The following RIN3 variants were observed in gnomAD, a reference collection of about 807,000 sequenced individuals.
RIN3 encodes the protein Ras and Rab interactor 3, also known as RAB5 interacting protein 3.
Under a neutral mutation model 76.3 loss-of-function variants are expected in RIN3, and 54 were observed. The ratio of observed to expected loss-of-function variants is 0.71; its 90% CI spans 0.57 to 0.89. The LOEUF (loss-of-function observed/expected upper bound fraction) is 0.89, where lower values mean the gene tolerates loss of function less well. Among genes scored for constraint, RIN3 ranks in the 40% least tolerant of loss-of-function variants. The pLI, the probability that RIN3 is intolerant of heterozygous loss-of-function variation, is 0.00. For synonymous variants in RIN3, 576 were observed against 564.0 expected (o/e 1.02, Z -0.30); for missense variants, 1,256 against 1,322.1 (o/e 0.95, Z 0.78).
chr14:92,578,234 T>TAA (rs777276864), intron 3 of RIN3, among the ~76,000 whole-genome samples: 4 of 100,914 alleles, frequency 4.0e-5, no homozygotes, highest in Admixed American at 1.1e-4. Context: ...AGATCTGGCC[T>TAA]AAAAAAAAAA....
intron 4 of RIN3, among the ~76,000 whole-genome samples, chr14:92,636,996 G>A (rs1886800696): frequency 6.6e-6 from 1 of 152,158 alleles, no homozygotes; most frequent in Non-Finnish European, 1.5e-5. Flanking sequence ...TTACTCTCCA[G>A]AGTGTAGACC....
In RIN3 at chr14:92,685,285, C is replaced by A; in HGVS notation, c.2631+135C>A. On this transcript the variant is annotated intron_variant, in intron 9 of 9. Coordinates refer to ENST00000216487, the MANE Select transcript of RIN3 (RefSeq NM_024832.5). This position sits in a 1 kb window ranked among gnomAD's most constrained non-coding sequence, Gnocchi z 4.7. ...CCTGCCTTAGGGGAGCAGTGAGACT[C>A]CCCACACCAGAGGAAGGGCCCCCAG... The A allele has an allele frequency of 1.1e-6, 1 of 926,714 alleles. No individual in the cohort carries two copies. The highest frequency in any genetic ancestry group is 1.6e-6 in the Non-Finnish European group (1 of 632,184). The allele number at this position is 926,714 out of a possible 1,614,324, so 57.4% of individuals were successfully genotyped here. A position where few individuals can be genotyped will look rare whatever the true frequency, so the allele number is the denominator to read the frequency against.
chr14:92,540,308 G>A (rs1441271620), intron 1 of RIN3, among the ~76,000 whole-genome samples: 2 of 152,180 alleles, frequency 1.3e-5, no homozygotes, highest in Non-Finnish European at 2.9e-5. Flanking sequence ...CTGACCCACC[G>A]AGGGTCGGGG....
chr14:92,537,509 C>T (rs1490500314), intron 1 of RIN3, among the ~76,000 whole-genome samples: 2 of 152,058 alleles, frequency 1.3e-5, no homozygotes, highest in African/African-American at 2.4e-5. Flanking sequence ...TAAGTTCCCA[C>T]GATTGCTGGG....
intron 2 of RIN3, among the ~76,000 whole-genome samples, chr14:92,557,943 G>A (rs899116953): frequency 2.0e-5 from 3 of 152,252 alleles, no homozygotes; most frequent in Non-Finnish European, 4.4e-5. Context: ...GCAGGTGTGT[G>A]GATGGGAATT....
At chr14:92,679,581 G>A (rs73332235) in intron 8 of RIN3, among the ~76,000 whole-genome samples, 2,588 of 152,280 alleles carry the variant, frequency 0.017, 31 homozygotes, top group African/African-American at 0.033. Flanking sequence ...TGGGTCCCAG[G>A]GCAGAGGGGC....
At position 92,516,772 on chromosome 14, in the gene RIN3, C is replaced by A. The variant is rs1169729998; in HGVS notation, c.44+2796C>A. ...CCTACCCCCTTGGTGCCCCTCTATC[C>A]TGGCCCTGGGTCCCTGATCTGTGAT... is the stretch of plus-strand genomic sequence containing the variant. On this transcript the variant is annotated intron_variant, in intron 1 of 9. Transcript: ENST00000216487. 3.3e-5 allele frequency among the ~76,000 whole-genome samples: 5 copies of A among 152,140 alleles called. No individual in the cohort carries two copies. The East Asian group carries it at 9.6e-4, about 29-fold the overall frequency.
chr14:92,592,030 T>A (rs1884995233), intron 3 of RIN3, among the ~76,000 whole-genome samples: 1 of 152,200 alleles, frequency 6.6e-6, no homozygotes, highest in Admixed American at 6.5e-5. Context: ...TGTGTATGTG[T>A]ATCTATATAT....
chr14:92,620,436 A>G (rs1239248900), intron 4 of RIN3, among the ~76,000 whole-genome samples: 1 of 152,226 alleles, frequency 6.6e-6, no homozygotes, highest in East Asian at 1.9e-4. Flanking sequence ...CTAAAATCCA[A>G]AAAGTTTGTT....
chr14:92,623,399 T>C lies in RIN3; in HGVS notation c.440+7920T>C, dbSNP rs1460114613. 6.6e-6 allele frequency among the ~76,000 whole-genome samples: 1 copy of C among 152,254 alleles called. No homozygotes were observed. Among genetic ancestry groups the C allele is most frequent in the Non-Finnish European group, 1.5e-5 (1 of 68,046 alleles). ...TCCTTGGATAGCATCCCTAGTGTAA[T>C]TAATAAATCGCTGCTGGTTATAATA... is the stretch of plus-strand genomic sequence containing the variant. On this transcript the variant is annotated intron_variant, in intron 4 of 9. Transcript: ENST00000216487. The surrounding 1 kb of genome is among the most constrained non-coding windows in gnomAD (Gnocchi z 4.9).
chr14:92,665,798 A>AT (rs1379756387), intron 7 of RIN3, among the ~76,000 whole-genome samples: 1 of 147,746 alleles, frequency 6.8e-6, no homozygotes, highest in Non-Finnish European at 1.5e-5. Context: ...TGATGATTAG[A>AT]TTGAGGTTAT....
intron 1 of RIN3, among the ~76,000 whole-genome samples, chr14:92,544,644 C>G (rs2140020408): frequency 6.6e-6 from 1 of 152,254 alleles, no homozygotes; most frequent in South Asian, 2.1e-4. Context: ...CTCTGCTCCA[C>G]TCCACATTTC....
chr14:92,535,779 ATTC>A (rs1204236333), intron 1 of RIN3, among the ~76,000 whole-genome samples: 1 of 146,482 alleles, frequency 6.8e-6, no homozygotes, highest in Non-Finnish European at 1.5e-5. Flanking sequence ...GGTTCAAGCG[ATTC>A]TCCTGCCTCA....
intron 3 of RIN3, among the ~76,000 whole-genome samples, chr14:92,609,892 T>C (rs997954595): frequency 4.9e-5 from 7 of 142,342 alleles, no homozygotes; most frequent in African/African-American, 1.8e-4. Flanking sequence ...TGTGTATGTA[T>C]GTGTGTTTCT....
rs1257968771 is a variant in RIN3, at chr14:92,685,513, G to C, written c.2631+363G>C. 4.4e-6 allele frequency: 1 copy of C among 226,160 alleles called. No individual in the cohort carries two copies. The highest frequency in any genetic ancestry group is 8.9e-6 in the Non-Finnish European group (1 of 112,096). The allele number at this position is 226,160 out of a possible 1,614,324, so 14.0% of individuals were successfully genotyped here. ...AGTCCCTGCTTTAAGGAGCCCACAG[G>C]CTCATCTACAGCCTTGCTCCTTAGT... is the stretch of plus-strand genomic sequence containing the variant. On this transcript the variant is annotated intron_variant, in intron 9 of 9. Coordinates refer to ENST00000216487, the MANE Select transcript of RIN3 (RefSeq NM_024832.5). The surrounding 1 kb of genome is among the most constrained non-coding windows in gnomAD (Gnocchi z 4.7).
At chr14:92,638,951 C>G (rs1334330239) in intron 4 of RIN3, among the ~76,000 whole-genome samples, 1 of 152,208 alleles carries the variant, frequency 6.6e-6, no homozygotes, top group Non-Finnish European at 1.5e-5. Flanking sequence ...TCCCAAGGGG[C>G]CATGGGGGCA....
chr14:92,576,455 C>A (rs530220865), intron 2 of RIN3: 2 of 1,256,672 alleles, frequency 1.6e-6, no homozygotes, highest in Admixed American at 4.6e-5. Context: ...AGAGAGTAAA[C>A]CTACAGCAGA....
chr14:92,634,518 G>A (rs1886707834), intron 4 of RIN3, among the ~76,000 whole-genome samples: 1 of 152,184 alleles, frequency 6.6e-6, no homozygotes, highest in Non-Finnish European at 1.5e-5. Flanking sequence ...TTGGGGGCCT[G>A]TGATTCTCAC....
At chr14:92,645,624 C>T (rs1887170265) in intron 5 of RIN3, among the ~76,000 whole-genome samples, 1 of 152,236 alleles carries the variant, frequency 6.6e-6, no homozygotes, top group Admixed American at 6.5e-5. Flanking sequence ...TGGAGAGTGA[C>T]TGCTAAATAG....
Sources: gnomAD v4.1 joint callset for allele counts (sites outside exome capture counted in the v4.1 genomes callset) on GRCh38, gnomAD v4.1.1 for gene constraint, Gnocchi (gnomAD v3.1) non-coding constraint, MANE v1.5 for transcripts, NCBI Gene and HGNC (gene_info 2026-07-23, HGNC 2026-07-21) for gene names.